The following PARD3B variants were observed in gnomAD, a reference collection of about 807,000 sequenced individuals.
PARD3B encodes partitioning defective 3 homolog B.
PARD3B carries 103 observed loss-of-function variants against 130.2 expected under a neutral mutation model. The observed-to-expected ratio is 0.79, with a 90% CI of 0.67 to 0.93. The LOEUF is 0.93. Among genes scored for constraint, PARD3B ranks in the 40% least tolerant of loss-of-function variants. The probability of loss-of-function intolerance (pLI) is 0.00; values close to 1 mark genes in which losing one functional copy is unlikely to be tolerated. For synonymous variants in PARD3B, 583 were observed against 553.2 expected (o/e 1.05, Z -0.76); for missense variants, 1,609 against 1,499.2 (o/e 1.07, Z -1.21).
At chr2:205,213,661 A>G (rs1342792224) in intron 15 of PARD3B, among the ~76,000 whole-genome samples, 4 of 152,174 alleles carry the variant, frequency 2.6e-5, no homozygotes, top group Non-Finnish European at 5.9e-5. Flanking sequence ...TTGTTTGAGT[A>G]GGAAAATAGA....
intron 2 of PARD3B, among the ~76,000 whole-genome samples, chr2:204,715,038 C>T (rs560643470): frequency 6.6e-6 from 1 of 152,216 alleles, no homozygotes; most frequent in South Asian, 2.1e-4. Context: ...AAAGGCTTAC[C>T]AATAAGGCAT....
At chr2:204,976,414 G>A (rs1575460361) in intron 3 of PARD3B, among the ~76,000 whole-genome samples, 1 of 152,018 alleles carries the variant, frequency 6.6e-6, no homozygotes, top group South Asian at 2.1e-4. Context: ...TAATTGGATA[G>A]TGACCTAATT....
Position 205,281,630 on chromosome 2 carries a change from A to C in PARD3B, c.2186-18900A>C, listed in dbSNP as rs1014533849. On this transcript the variant is annotated intron_variant, in intron 16 of 22. Transcript: ENST00000406610. The surrounding 1 kb of genome is among the most constrained non-coding windows in gnomAD (Gnocchi z 4.2). ...ACTGATTTGTACAAAATATAGTAAA[A>C]ACTTTCCAGAATGTCAGTACTTTAC... Among the ~76,000 whole-genome samples, 4 of 152,148 alleles carry C rather than the reference A, an allele frequency of 2.6e-5. No homozygotes were observed. Among genetic ancestry groups the C allele is most frequent in the Non-Finnish European group, 5.9e-5 (4 of 68,026 alleles).
At chr2:204,587,601 G>C (rs1423533172) in intron 1 of PARD3B, among the ~76,000 whole-genome samples, 1 of 152,144 alleles carries the variant, frequency 6.6e-6, no homozygotes, top group African/African-American at 2.4e-5. Flanking sequence ...GTAAAATCTC[G>C]AATTACTGAA....
chr2:205,365,938 G>A (rs1284018857), intron 18 of PARD3B, among the ~76,000 whole-genome samples: 2 of 152,062 alleles, frequency 1.3e-5, no homozygotes, highest in Admixed American at 1.3e-4. Flanking sequence ...TTTGGAGAAG[G>A]GTATAGGTTA....
intron 22 of PARD3B, among the ~76,000 whole-genome samples, chr2:205,603,057 A>C (rs945172854): frequency 1.3e-5 from 2 of 152,150 alleles, no homozygotes; most frequent in Admixed American, 6.5e-5. Flanking sequence ...CTGCTGTGTT[A>C]TCTCTTTGTT....
chr2:205,024,258 C>T (rs1157816547), intron 3 of PARD3B, among the ~76,000 whole-genome samples: 1 of 148,120 alleles, frequency 6.8e-6, no homozygotes. Context: ...ACCTCTGCCT[C>T]CTGGGTACAA....
Position 205,142,881 on chromosome 2 carries a change from AAAATAAAT to A in PARD3B, c.1435-15818_1435-15811del, listed in dbSNP as rs139843896. 1.1e-4 allele frequency among the ~76,000 whole-genome samples: 16 copies of A among 146,736 alleles called. No homozygotes were observed. Among genetic ancestry groups the A allele is most frequent in the Non-Finnish European group, 1.8e-4 (12 of 66,924 alleles). On this transcript the variant is annotated intron_variant, in intron 10 of 22. Coordinates refer to ENST00000406610, the MANE Select transcript of PARD3B (RefSeq NM_001302769.2). The surrounding 1 kb of genome is among the most constrained non-coding windows in gnomAD (Gnocchi z 4.3). ...TGACAGGATGAGACTTCGGTCTCAA[AAAATAAAT>A]AAATAAATAAATAAATAAATAAGAT...
chr2:204,711,744 C>T lies in PARD3B; in HGVS notation c.222+25462C>T, dbSNP rs553046608. ...TCTATTTTCAGTAGAGATGGGGTTT[C>T]GCCATGTTGACCAGGCTGGTCTCGA... On this transcript the variant is annotated intron_variant, in intron 2 of 22. Transcript: ENST00000406610. 6.6e-5 allele frequency among the ~76,000 whole-genome samples: 10 copies of T among 152,104 alleles called. No homozygotes were observed. The South Asian group carries it at 1.0e-3, about 16-fold the overall frequency.
intron 19 of PARD3B, among the ~76,000 whole-genome samples, chr2:205,424,545 T>C (rs1271782198): frequency 6.6e-6 from 1 of 152,134 alleles, no homozygotes; most frequent in Middle Eastern, 3.2e-3. Flanking sequence ...TGAGTCGGCT[T>C]TGAGAGATAA....
At chr2:205,185,248 G>GA in intron 13 of PARD3B, among the ~76,000 whole-genome samples, 1 of 149,382 alleles carries the variant, frequency 6.7e-6, no homozygotes, top group Non-Finnish European at 1.5e-5. Context: ...AAAAAAGAGC[G>GA]CACGTTTGTG....
intron 1 of PARD3B, among the ~76,000 whole-genome samples, chr2:204,633,630 G>C (rs1391126106): frequency 2.0e-5 from 3 of 152,044 alleles, no homozygotes; most frequent in African/African-American, 7.2e-5. Flanking sequence ...TGGCCAACAT[G>C]ATGAAACCCT....
rs985465975 is a variant in PARD3B at position 205,585,685 on chromosome 2, G to C, written c.3261-29771G>C. 6.6e-6 allele frequency among the ~76,000 whole-genome samples: 1 copy of C among 152,202 alleles called. No individual in the cohort carries two copies. Among genetic ancestry groups the C allele is most frequent in the African/African-American group, 2.4e-5 (1 of 41,444 alleles). ...AGATTTCAATGTCCAAAGGAAATGT[G>C]GGGGACACTTAGGCCCTGCCTCTTC... On this transcript the variant is annotated intron_variant, in intron 22 of 22. Transcript: ENST00000406610. The surrounding 1 kb of genome is among the most constrained non-coding windows in gnomAD (Gnocchi z 5.4).
chr2:204,703,080 A>T (rs2037971073), intron 2 of PARD3B, among the ~76,000 whole-genome samples: 1 of 152,330 alleles, frequency 6.6e-6, no homozygotes, highest in East Asian at 1.9e-4. Context: ...ATTTAAAATT[A>T]CCCAGTGAGA....
chr2:204,690,995 C>G (rs1158688341), intron 2 of PARD3B, among the ~76,000 whole-genome samples: 1 of 152,046 alleles, frequency 6.6e-6, no homozygotes, highest in Non-Finnish European at 1.5e-5. Context: ...ATGCTGTTAT[C>G]GTCTATAGTG....
chr2:205,605,058 G>A (rs953980014), intron 22 of PARD3B, among the ~76,000 whole-genome samples: 4 of 152,270 alleles, frequency 2.6e-5, no homozygotes, highest in Middle Eastern at 3.4e-3. Context: ...CAGCTCCATC[G>A]GGCATTTTTG....
rs184649984 is a variant in PARD3B at position 204,604,189 on chromosome 2, C to T, written c.120+58070C>T. On this transcript the variant is annotated intron_variant, in intron 1 of 22. Coordinates refer to ENST00000406610, the MANE Select transcript of PARD3B (RefSeq NM_001302769.2). ...CTTCTCTTATAGGAAATAAAACAGTCTACTCTCCTGTGCCTTTGACATCCT... is the reference window on the plus strand; with the variant it reads ...CTTCTCTTATAGGAAATAAAACAGTTTACTCTCCTGTGCCTTTGACATCCT... 2.2e-3 allele frequency among the ~76,000 whole-genome samples: 330 copies of T among 152,278 alleles called. 3 individuals carry two copies. The highest frequency in any genetic ancestry group is 7.3e-3 in the African/African-American group (304 of 41,560).
chr2:205,400,076 C>A (rs890349528), intron 18 of PARD3B, among the ~76,000 whole-genome samples: 8 of 152,070 alleles, frequency 5.3e-5, no homozygotes, highest in African/African-American at 1.9e-4. Context: ...TGGTGTAATT[C>A]CAGGAGTTTA....
intron 18 of PARD3B, among the ~76,000 whole-genome samples, chr2:205,311,736 C>T (rs1185056428): frequency 6.6e-6 from 1 of 152,212 alleles, no homozygotes; most frequent in East Asian, 1.9e-4. Flanking sequence ...AGCTTTGGGT[C>T]ACCCCTTTCT....
Sources: gnomAD v4.1 joint callset for allele counts (sites outside exome capture counted in the v4.1 genomes callset) on GRCh38, gnomAD v4.1.1 for gene constraint, Gnocchi (gnomAD v3.1) non-coding constraint, MANE v1.5 for transcripts, NCBI Gene and HGNC (gene_info 2026-07-23, HGNC 2026-07-21) for gene names.